Variants in ESPN observed in about 807,000 individuals in gnomAD.
ESPN encodes the protein espin.
A neutral mutation model predicts 77.7 loss-of-function variants in ESPN; 68 were observed. The ratio of observed to expected loss-of-function variants is 0.87; its 90% CI spans 0.72 to 1.07. The LOEUF (loss-of-function observed/expected upper bound fraction) is 1.07. Among genes scored for constraint, ESPN ranks in the 50% least tolerant of loss-of-function variants. ESPN has a pLI of 0.00. For missense variants in ESPN, 1,060 were observed against 1,239.0 expected, an observed-to-expected ratio of 0.86 and a Z score of 2.17; for synonymous variants, 449 against 567.1, an observed-to-expected ratio of 0.79 and a Z score of 2.96.
At chr1:6,445,517 C>T (rs1192859970) in intron 6 of ESPN, 147 bp from the exon 7 acceptor site, 45 of 884,372 alleles carry the variant, frequency 5.1e-5, no homozygotes, top group Non-Finnish European at 7.9e-5. Context: ...AGCCCAGCAC[C>T]GCCAGGGGCC....
chr1:6,442,994 A>ACC (rs1489754466), intron 5 of ESPN: 1 of 151,556 alleles, frequency 6.6e-6, no homozygotes, highest in African/African-American at 2.4e-5. Context: ...CAACATGATG[A>ACC]AACCCCATCT....
intron 6 of ESPN, among the ~76,000 whole-genome samples, chr1:6,445,163 A>G (rs1250556131): frequency 3.3e-5 from 5 of 152,212 alleles, no homozygotes; most frequent in Non-Finnish European, 2.9e-5. Context: ...AGTACAAAGA[A>G]GCATGTGCAC....
chr1:6,450,174 A>C lies in ESPN; in HGVS notation c.1915+1083A>C, dbSNP rs1025289891. Among the ~76,000 whole-genome samples, 12 of 151,982 alleles carry C rather than the reference A, an allele frequency of 7.9e-5. No homozygotes were observed. Among genetic ancestry groups the C allele is most frequent in the African/African-American group, 2.7e-4 (11 of 41,382 alleles). ...GGGTGCCCTACCCCAACCCAGTGCC[A>C]AGGTGGAGGCCCTTGCTAGGGGCTA... On this transcript the variant is annotated intron_variant, in intron 8 of 12. Transcript: ENST00000645284. The surrounding 1 kb of genome is among the most constrained non-coding windows in gnomAD (Gnocchi z 4.3).
chr1:6,430,781 A>G (rs545279100), intron 2 of ESPN, among the ~76,000 whole-genome samples: 1 of 152,194 alleles, frequency 6.6e-6, no homozygotes, highest in East Asian at 1.9e-4. Context: ...CAAGGGGGAA[A>G]AAAAAAGAAA....
chr1:6,439,580 G>C (rs1475549632), intron 2 of ESPN, among the ~76,000 whole-genome samples: 1 of 152,202 alleles, frequency 6.6e-6, no homozygotes, highest in Non-Finnish European at 1.5e-5. Flanking sequence ...CTTCAAGAGG[G>C]AGGAGAAGGA....
At position 6,448,999 on chromosome 1, in the gene ESPN, A is replaced by G; in HGVS notation, c.1823A>G (p.Glu608Gly). 1 of 1,453,202 alleles carries G rather than the reference A, an allele frequency of 6.9e-7. No individual in the cohort carries two copies. Among genetic ancestry groups the G allele is most frequent in the Non-Finnish European group, 9.0e-7 (1 of 1,108,534 alleles). 90.0% of individuals were successfully genotyped at this position (1,453,202 alleles called of 1,614,324 possible). ...PPPPPPPPLPEAASSPPPAPP... is the reference protein window; with the variant it reads ...PPPPPPPPLPGAASSPPPAPP... The stretch of plus-strand genomic sequence containing the variant: ...CCACCGCCGCCGCCGCCCCTGCCGG[A>G]GGCCGCGAGTTCGCCACCGCCGGCC... The change falls in exon 8 of 13, where the codon GAG (glutamate) becomes GGG (glycine). Residue 608 changes from glutamate (E) to glycine (G), a missense_variant. Physicochemically the swap from Glu to Gly is moderately conservative, Grantham distance 98. Around this residue, in one of 3 missense-constraint regions of ESPN, gnomAD observed 374 missense variants for 381.4 expected, o/e 0.98. Transcript: ENST00000645284.
intron 7 of ESPN, 143 bp downstream of exon 7, chr1:6,446,078 G>A: frequency 1.2e-6 from 1 of 822,708 alleles, no homozygotes; most frequent in East Asian, 2.6e-5. Flanking sequence ...AAAGCTCCTG[G>A]CGAGTCCCAC....
chr1:6,454,608 C>G, intron 10 of ESPN: 1 of 398,982 alleles, frequency 2.5e-6, no homozygotes, highest in Non-Finnish European at 4.4e-6. Flanking sequence ...GGAGGCGCGC[C>G]TCGAGCAACT....
At chr1:6,442,147 C>T (rs551532750) in intron 5 of ESPN, among the ~76,000 whole-genome samples, 1 of 152,324 alleles carries the variant, frequency 6.6e-6, no homozygotes, top group South Asian at 2.1e-4. Flanking sequence ...CCCAGGGCAC[C>T]TGAGGGCCTC....
At position 6,433,274 on chromosome 1, in the gene ESPN, C is replaced by T. The variant is rs1245583472; in HGVS notation, c.488+4855C>T. Among the ~76,000 whole-genome samples the T allele has an allele frequency of 2.6e-5, 4 of 152,142 alleles. No homozygotes were observed. The East Asian group carries it at 7.7e-4, about 29-fold the overall frequency. On this transcript the variant is annotated intron_variant, in intron 2 of 12. Coordinates refer to ENST00000645284, the MANE Select transcript of ESPN (RefSeq NM_031475.3). The stretch of plus-strand genomic sequence containing the variant: ...CCCGGCCGATACGGTGAAACCCCAT[C>T]TCTACTAAAAAATACAAAAATTAGC...
At chr1:6,452,871 C>T (rs1158039810) in intron 10 of ESPN, among the ~76,000 whole-genome samples, 3 of 151,852 alleles carry the variant, frequency 2.0e-5, no homozygotes, top group African/African-American at 7.3e-5. Context: ...CATCCAACAA[C>T]TATTCCCCAA....
intron 2 of ESPN, among the ~76,000 whole-genome samples, chr1:6,430,560 GGCT>G (rs1435591235): frequency 6.6e-6 from 1 of 152,182 alleles, no homozygotes; most frequent in Admixed American, 6.5e-5. Context: ...TGACCTCAGG[GGCT>G]GCTGCCACGC....
At chr1:6,426,272 A>G (rs559743320) in intron 1 of ESPN, among the ~76,000 whole-genome samples, 90 of 152,238 alleles carry the variant, frequency 5.9e-4, no homozygotes, top group African/African-American at 2.1e-3. Context: ...CCCACCTGCT[A>G]TCTCTCAGTG....
At chr1:6,454,420 C>T in intron 10 of ESPN, 1 of 398,948 alleles carries the variant, frequency 2.5e-6, no homozygotes, top group Non-Finnish European at 4.4e-6. Context: ...CCTCTCTTGT[C>T]TTCCCCGCCT....
Position 6,444,507 on chromosome 1 carries a change from G to C in ESPN, c.1017G>C (p.Arg339=), listed in dbSNP as rs1643756539. ...GCGTGGAGCACCGCGTGCTTTCCCG[G>C]GATCCATCCGCAGAGCTGGAGGCTA... ...NLSVEHRVLS[R]DPSAELEAKQ... The change falls in exon 6 of 13, where the codon CGG becomes CGC. Residue 339 remains arginine, a synonymous_variant. Coordinates refer to ENST00000645284, the MANE Select transcript of ESPN (RefSeq NM_031475.3). 1 of 1,614,076 alleles carries C rather than the reference G, an allele frequency of 6.2e-7. No homozygotes were observed. Among genetic ancestry groups the C allele is most frequent in the Admixed American group, 1.7e-5 (1 of 60,010 alleles).
At chr1:6,454,375 CGGGAG>C (rs1644011028) in intron 10 of ESPN, 1 of 398,676 alleles carries the variant, frequency 2.5e-6, no homozygotes, top group Non-Finnish European at 4.4e-6. Context: ...GGCGCCACGG[CGGGAG>C]CTAGGCCAGA....
chr1:6,460,335 C>CA lies in ESPN; in HGVS notation c.*190dup, dbSNP rs958125432. Reference sequence around the variant, plus strand: ...GGCAACACTGGAGTGCACACGCCGCCACGGTTGCCCAGAAAAAGTGCCCAA... The same window carrying CA: ...GGCAACACTGGAGTGCACACGCCGCCAACGGTTGCCCAGAAAAAGTGCCCAA... On this transcript the variant is annotated 3_prime_UTR_variant, in exon 13 of 13. Coordinates refer to ENST00000645284, the MANE Select transcript of ESPN (RefSeq NM_031475.3). 1.3e-4 allele frequency: 87 copies of CA among 685,478 alleles called. No homozygotes were observed. Among genetic ancestry groups the CA allele is most frequent in the Non-Finnish European group, 1.7e-4 (71 of 415,068 alleles). The allele number at this position is 685,478 out of a possible 1,614,324, so 42.5% of individuals were successfully genotyped here. A position where few individuals can be genotyped will look rare whatever the true frequency, so the allele number is the denominator to read the frequency against.
Position 6,425,055 on chromosome 1 carries a change from C to A in ESPN, c.100C>A (p.Pro34Thr), listed in dbSNP as rs1392941367. The change falls in exon 1 of 13, where the codon CCG becomes ACG. Residue 34 changes from proline to threonine, a missense_variant. Coordinates refer to ENST00000645284, the MANE Select transcript of ESPN (RefSeq NM_031475.3). ...AGLLGPSLRD[P>T]LDALPVHHAA... ...CCTCCTGGGGCCCTCGCTGCGCGAC[C>A]CGCTGGACGCGCTGCCCGTGCACCA... is the stretch of plus-strand genomic sequence containing the variant. 4.1e-6 allele frequency: 6 copies of A among 1,470,512 alleles called. No homozygotes were observed. Among genetic ancestry groups the A allele is most frequent in the Non-Finnish European group, 5.4e-6 (6 of 1,118,242 alleles). The allele number at this position is 1,470,512 out of a possible 1,614,324, so 91.1% of individuals were successfully genotyped here.
chr1:6,449,477 G>A (rs1049373853), intron 8 of ESPN, among the ~76,000 whole-genome samples: 7 of 152,188 alleles, frequency 4.6e-5, no homozygotes, highest in Non-Finnish European at 1.0e-4. Flanking sequence ...GTACTGGAGG[G>A]ACACTCGAAG....
Sources: allele counts gnomAD v4.1 joint callset (sites outside exome capture counted in the v4.1 genomes callset), GRCh38; gene constraint gnomAD v4.1.1; regional missense constraint gnomAD v4.1.1; non-coding constraint Gnocchi (gnomAD v3.1); transcripts MANE v1.5; gene names NCBI Gene and HGNC (gene_info 2026-07-23, HGNC 2026-07-21).